The following AGBL4 variants were observed in gnomAD, a reference collection of about 807,000 sequenced individuals.
The protein encoded by AGBL4 is cytosolic carboxypeptidase 6.
A neutral mutation model predicts 66.4 loss-of-function variants in AGBL4; 58 were observed. The observed-to-expected ratio is 0.87, with a 90% CI of 0.71 to 1.09. The LOEUF is 1.09. AGBL4 is among the 50% of genes least tolerant of loss of function. The probability of loss-of-function intolerance (pLI) is 0.00; values close to 1 mark genes in which losing one functional copy is unlikely to be tolerated. For synonymous variants in AGBL4, 234 were observed against 222.9 expected, an observed-to-expected ratio of 1.05 and a Z score of -0.44; for missense variants, 579 against 631.0, an observed-to-expected ratio of 0.92 and a Z score of 0.88.
At chr1:48,863,623 AATGCAATAGTAT>A (rs1647698455) in intron 6 of AGBL4, among the ~76,000 whole-genome samples, 1 of 152,114 alleles carries the variant, frequency 6.6e-6, no homozygotes, top group Non-Finnish European at 1.5e-5. Flanking sequence ...GTGGTAGGCC[AATGCAATAGTAT>A]CGAGAAGAAA....
chr1:49,276,754 T>C (rs570735334), intron 3 of AGBL4, among the ~76,000 whole-genome samples: 1 of 152,332 alleles, frequency 6.6e-6, no homozygotes, highest in Admixed American at 6.5e-5. Flanking sequence ...ACCACCATAA[T>C]CTGCTCTGGT....
intron 3 of AGBL4, among the ~76,000 whole-genome samples, chr1:49,692,467 C>T (rs921166636): frequency 1.3e-5 from 2 of 152,042 alleles, no homozygotes; most frequent in East Asian, 1.9e-4. Context: ...GCCTGTAATC[C>T]CAGCACTTTG....
At chr1:48,588,856 A>G (rs866341404) in intron 10 of AGBL4, among the ~76,000 whole-genome samples, 5 of 143,084 alleles carry the variant, frequency 3.5e-5, no homozygotes, top group African/African-American at 1.3e-4. Flanking sequence ...AGAAGAGAAG[A>G]GAAGGGAAGA....
At chr1:48,952,414 A>G (rs1053824141) in intron 5 of AGBL4, among the ~76,000 whole-genome samples, 1 of 152,248 alleles carries the variant, frequency 6.6e-6, no homozygotes, top group African/African-American at 2.4e-5. Flanking sequence ...GAAATAAATC[A>G]GAATGATATG....
chr1:49,362,519 T>C (rs1419366714), intron 3 of AGBL4, among the ~76,000 whole-genome samples: 1 of 148,390 alleles, frequency 6.7e-6, no homozygotes, highest in Non-Finnish European at 1.5e-5. Context: ...TGAGAAGGAC[T>C]GAAAACTTTC....
At chr1:49,284,964 C>T (rs531059520) in intron 3 of AGBL4, among the ~76,000 whole-genome samples, 28 of 150,326 alleles carry the variant, frequency 1.9e-4, no homozygotes, top group African/African-American at 6.4e-4. Context: ...GACAGATCAA[C>T]GAGACAGAAA....
At chr1:49,874,326 G>C in intron 1 of AGBL4, among the ~76,000 whole-genome samples, 1 of 152,022 alleles carries the variant, frequency 6.6e-6, no homozygotes, top group South Asian at 2.1e-4. Flanking sequence ...AACCATAAAA[G>C]AAGTGGAGGT....
intron 3 of AGBL4, among the ~76,000 whole-genome samples, chr1:49,630,072 T>C (rs1160269599): frequency 6.6e-6 from 1 of 152,172 alleles, no homozygotes; most frequent in African/African-American, 2.4e-5. Flanking sequence ...ACTATGGCCT[T>C]CTGGCTCCTG....
chr1:48,748,595 G>A (rs1651141239), intron 6 of AGBL4, among the ~76,000 whole-genome samples: 1 of 152,172 alleles, frequency 6.6e-6, no homozygotes, highest in African/African-American at 2.4e-5. Context: ...GATGAGAGGA[G>A]CTTGTTGGGT....
intron 5 of AGBL4, among the ~76,000 whole-genome samples, chr1:48,875,255 C>T (rs1487258361): frequency 6.6e-6 from 1 of 152,102 alleles, no homozygotes; most frequent in East Asian, 1.9e-4. Flanking sequence ...CAAGCTTTAC[C>T]TTGGTCCACT....
At chr1:49,255,883 C>G (rs968631232) in intron 3 of AGBL4, among the ~76,000 whole-genome samples, 5 of 152,106 alleles carry the variant, frequency 3.3e-5, no homozygotes, top group Non-Finnish European at 7.4e-5. Flanking sequence ...AGCTGGAGAC[C>G]ATTTTCCTTA....
intron 3 of AGBL4, among the ~76,000 whole-genome samples, chr1:49,497,643 C>T (rs1230184430): frequency 6.6e-6 from 1 of 151,940 alleles, no homozygotes; most frequent in African/African-American, 2.4e-5. Context: ...AAGAGACTGT[C>T]CTTTACTCAC....
rs372284667 is a variant in AGBL4, at chr1:49,014,678, A to G, written c.594+30906T>C. On this transcript the variant is annotated intron_variant, in intron 5 of 13. Transcript: ENST00000371839. Reference sequence around the variant, plus strand: ...AAATTCCCTCTCACTGATGCCTTCTAAAGCTCTAGCTGCTTTGCTAGCCCA... The same window carrying G: ...AAATTCCCTCTCACTGATGCCTTCTGAAGCTCTAGCTGCTTTGCTAGCCCA... Among the ~76,000 whole-genome samples, 65 of 152,270 alleles carry G rather than the reference A, an allele frequency of 4.3e-4. 1 individual carries two copies. The South Asian group carries it at 9.3e-3, about 22-fold the overall frequency.
chr1:49,431,987 A>G (rs1442917849), intron 3 of AGBL4, among the ~76,000 whole-genome samples: 1 of 152,024 alleles, frequency 6.6e-6, no homozygotes, highest in Non-Finnish European at 1.5e-5. Flanking sequence ...CCCACCAATA[A>G]TTTTTCCTAG....
intron 4 of AGBL4, among the ~76,000 whole-genome samples, chr1:49,156,351 A>T (rs1239717933): frequency 6.6e-6 from 1 of 152,200 alleles, no homozygotes; most frequent in Non-Finnish European, 1.5e-5. Flanking sequence ...AAAATAGTGC[A>T]TTGGCTATAT....
chr1:49,412,844 G>A (rs1353666496), intron 3 of AGBL4, among the ~76,000 whole-genome samples: 2 of 152,158 alleles, frequency 1.3e-5, no homozygotes, highest in African/African-American at 2.4e-5. Flanking sequence ...AGGAGACTAA[G>A]AGGAAGAATG....
chr1:49,968,504 T>C (rs2148357153), intron 1 of AGBL4, among the ~76,000 whole-genome samples: 1 of 152,302 alleles, frequency 6.6e-6, no homozygotes, highest in South Asian at 2.1e-4. Context: ...TCTAACAACG[T>C]TTTGGCAGAG....
chr1:49,400,374 T>G (rs1285385663), intron 3 of AGBL4, among the ~76,000 whole-genome samples: 1 of 139,788 alleles, frequency 7.2e-6, no homozygotes, highest in African/African-American at 2.8e-5. Context: ...GGGTCTTTTC[T>G]GATCCATATA....
intron 2 of AGBL4, among the ~76,000 whole-genome samples, chr1:49,780,055 T>C (rs1644298511): frequency 1.3e-5 from 2 of 152,042 alleles, no homozygotes; most frequent in South Asian, 4.2e-4. Flanking sequence ...ATAAAGACAT[T>C]CCCAGATAAA....
Sources: gnomAD v4.1 joint callset for allele counts (sites outside exome capture counted in the v4.1 genomes callset) on GRCh38, gnomAD v4.1.1 for gene constraint, MANE v1.5 for transcripts, NCBI Gene and HGNC (gene_info 2026-07-23, HGNC 2026-07-21) for gene names.